POP1: variants seen among roughly 807,000 people sequenced by gnomAD.
POP1 encodes ribonucleases P/MRP protein subunit POP1.
Under a neutral mutation model 102.2 loss-of-function variants are expected in POP1, and 75 were observed. That is an observed-to-expected ratio of 0.73 (90% CI 0.61 to 0.89). The LOEUF (loss-of-function observed/expected upper bound fraction) is 0.89, where lower values mean the gene tolerates loss of function less well. Ranked by LOEUF, POP1 falls within the 40% of genes least tolerant of loss-of-function variation. POP1 has a pLI of 0.00. For missense variants in POP1, 1,116 were observed against 1,267.4 expected, an observed-to-expected ratio of 0.88 and a Z score of 1.81; for synonymous variants, 436 against 464.1, an observed-to-expected ratio of 0.94 and a Z score of 0.78.
At chr8:98,138,884 A>T (rs1475675580) in intron 9 of POP1, among the ~76,000 whole-genome samples, 2 of 134,130 alleles carry the variant, frequency 1.5e-5, no homozygotes, top group Non-Finnish European at 3.1e-5. Context: ...ACAGAGCCTC[A>T]CTCTGTCACC....
In POP1 at chr8:98,140,878, A is replaced by G. The variant is rs553910357; in HGVS notation, c.1584A>G (p.Glu528=). 1.2e-6 allele frequency: 2 copies of G among 1,614,004 alleles called. No individual in the cohort carries two copies. The highest frequency in any genetic ancestry group is 2.2e-5 in the South Asian group (2 of 91,078). ...AGTCCAAAGCTTTGCCCAATCCAGAAAAATGCCAAGGTAAAGTTCCAAAAA... is the reference window on the plus strand; with the variant it reads ...AGTCCAAAGCTTTGCCCAATCCAGAGAAATGCCAAGGTAAAGTTCCAAAAA... ...QKKSKALPNP[E]KCQDNEKVRQ... is the part of the protein sequence containing the mutation. Residue 528 remains glutamate, a synonymous_variant, in exon 11 of 16, where the codon GAA becomes GAG. Transcript: ENST00000401707.
intron 5 of POP1, 141 bp downstream of exon 5, chr8:98,130,367 C>A: frequency 8.0e-7 from 1 of 1,254,160 alleles, no homozygotes; most frequent in Non-Finnish European, 1.1e-6. Context: ...AAGCCCGGGT[C>A]CTTTGCCAGA....
At chr8:98,120,581 C>T (rs776264796) in intron 1 of POP1, among the ~76,000 whole-genome samples, 8 of 151,982 alleles carry the variant, frequency 5.3e-5, no homozygotes, top group Non-Finnish European at 7.4e-5. Context: ...AAAGGATTCT[C>T]GTGCCTCAGC....
At chr8:98,129,828 A>G (rs1586231730) in intron 4 of POP1, 150 bp from the exon 5 acceptor site, 2 of 898,768 alleles carry the variant, frequency 2.2e-6, no homozygotes, top group Non-Finnish European at 3.4e-6. Context: ...CTCTACTTAC[A>G]TTGAAGAAAC....
At position 98,157,827 on chromosome 8, in the gene POP1, C is replaced by T. The variant is rs778792379; in HGVS notation, c.2631C>T (p.Val877=). The T allele has an allele frequency of 5.0e-6, 8 of 1,614,160 alleles. No homozygotes were observed. Among genetic ancestry groups the T allele is most frequent in the Non-Finnish European group, 6.8e-6 (8 of 1,179,974 alleles). Residue 877 remains valine (V), a synonymous_variant, in exon 16 of 16, where the codon GTC becomes GTT. Coordinates refer to ENST00000401707, the MANE Select transcript of POP1 (RefSeq NM_001145860.2). Reference sequence around the variant, plus strand: ...CCGAGCCTCACACCATGATCTGTGTCCCAGCCAAGGAGGACTTCCTCCAGC... The same window carrying T: ...CCGAGCCTCACACCATGATCTGTGTTCCAGCCAAGGAGGACTTCCTCCAGC... ...GSPEPHTMIC[V]PAKEDFLQLH...
chr8:98,121,211 A>T (rs1324962330), intron 1 of POP1, among the ~76,000 whole-genome samples: 1 of 152,168 alleles, frequency 6.6e-6, no homozygotes, highest in Non-Finnish European at 1.5e-5. Flanking sequence ...CATCTTTCAA[A>T]CTCCATAGTG....
At position 98,150,506 on chromosome 8, in the gene POP1, G is replaced by A. The variant is rs906608730; in HGVS notation, c.1924G>A (p.Gly642Arg). The A allele has an allele frequency of 3.7e-6, 6 of 1,613,926 alleles. No homozygotes were observed. Among genetic ancestry groups the A allele is most frequent in the African/African-American group, 2.7e-5 (2 of 74,910 alleles). Residue 642 changes from glycine (G) to arginine (R), a missense_variant, in exon 14 of 16, where the codon GGA becomes AGA. Gly to Arg is a moderately radical substitution (Grantham distance 125, BLOSUM62 -2). Coordinates refer to ENST00000401707, the MANE Select transcript of POP1 (RefSeq NM_001145860.2). ...IPFIYRGVRV[G>R]GLKESAVHSQ... ...TTAGATTTATCGAGGTGTGAGAGTC[G>A]GAGGGTTGAAAGAGTCTGCAGTGCA...
intron 14 of POP1, among the ~76,000 whole-genome samples, chr8:98,154,147 A>G (rs148604358): frequency 3.3e-5 from 5 of 152,322 alleles, no homozygotes; most frequent in Non-Finnish European, 2.9e-5. Flanking sequence ...GAGGAGAAAC[A>G]TGGGATCTGT....
chr8:98,137,968 G>A (rs1816596150), intron 9 of POP1, among the ~76,000 whole-genome samples: 1 of 152,168 alleles, frequency 6.6e-6, no homozygotes, highest in African/African-American at 2.4e-5. Flanking sequence ...CGATGATAGA[G>A]CTGAACAGAT....
chr8:98,141,005 C>A, intron 11 of POP1, 117 bp downstream of exon 11: 1 of 1,263,816 alleles, frequency 7.9e-7, no homozygotes, highest in Non-Finnish European at 1.1e-6. Context: ...AAAATTAGGG[C>A]AGTCTCCTTA....
chr8:98,137,512 T>C (rs537071746), intron 9 of POP1, among the ~76,000 whole-genome samples: 3 of 152,298 alleles, frequency 2.0e-5, no homozygotes, highest in Middle Eastern at 3.4e-3. Flanking sequence ...GGTCTGGAAC[T>C]CTTGACCTCA....
chr8:98,140,894 G>C lies in POP1; in HGVS notation c.1594+6G>C. ...CAATCCAGAAAAATGCCAAGGTAAA[G>C]TTCCAAAAACACCCCAGGTTTTCCT... On this transcript the variant is annotated splice_donor_region_variant and intron_variant, in intron 11 of 15. Coordinates refer to ENST00000401707, the MANE Select transcript of POP1 (RefSeq NM_001145860.2). 1 of 1,613,810 alleles carries C rather than the reference G, an allele frequency of 6.2e-7. No individual in the cohort carries two copies. The highest frequency in any genetic ancestry group is 8.5e-7 in the Non-Finnish European group (1 of 1,179,788).
At chr8:98,128,980 A>G (rs774342129) in intron 4 of POP1, among the ~76,000 whole-genome samples, 5 of 152,014 alleles carry the variant, frequency 3.3e-5, no homozygotes, top group African/African-American at 4.8e-5. Context: ...TGTTTTGCAT[A>G]TATTTGATTT....
chr8:98,158,402 T>G lies in POP1; in HGVS notation c.*131T>G, dbSNP rs143698283. The G allele has an allele frequency of 6.4e-5, 62 of 974,158 alleles. No individual in the cohort carries two copies. In the East Asian group the frequency reaches 1.5e-3, roughly 23 times the overall value. The allele number at this position is 974,158 out of a possible 1,614,324, so 60.3% of individuals were successfully genotyped here. A position where few individuals can be genotyped will look rare whatever the true frequency, so the allele number is the denominator to read the frequency against. On this transcript the variant is annotated 3_prime_UTR_variant, in exon 16 of 16. Transcript: ENST00000401707. ...CTGGAAACAAGAATAAAAAATTATG[T>G]ATTATGCAGATGATGAAATGTTTAC...
intron 4 of POP1, 122 bp from the exon 5 acceptor site, chr8:98,129,856 C>A: frequency 8.7e-7 from 1 of 1,150,110 alleles, no homozygotes. Context: ...ACAATTTAAG[C>A]AAACTAATGG....
intron 12 of POP1, 125 bp downstream of exon 12, chr8:98,146,808 A>G: frequency 9.4e-6 from 7 of 748,084 alleles, no homozygotes; most frequent in South Asian, 8.9e-5. Context: ...TTTTCAAACA[A>G]GTTGTTGATC....
At chr8:98,153,511 A>G (rs1455982176) in intron 14 of POP1, among the ~76,000 whole-genome samples, 2 of 142,712 alleles carry the variant, frequency 1.4e-5, no homozygotes, top group Non-Finnish European at 3.0e-5. Context: ...TCTTCCAACT[A>G]GATTTACAAA....
chr8:98,148,093 C>T (rs1050671221), intron 12 of POP1, among the ~76,000 whole-genome samples: 3 of 152,112 alleles, frequency 2.0e-5, no homozygotes, highest in Non-Finnish European at 4.4e-5. Flanking sequence ...AGGTTTTGAT[C>T]CCGGGAGGAA....
At chr8:98,127,884 C>A in intron 3 of POP1, 122 bp downstream of exon 3, 1 of 1,042,302 alleles carries the variant, frequency 9.6e-7, no homozygotes, top group Non-Finnish European at 1.5e-6. Context: ...CCTCCTCCTA[C>A]TTTAGACCCT....
Sources: allele counts gnomAD v4.1 joint callset (sites outside exome capture counted in the v4.1 genomes callset), GRCh38; gene constraint gnomAD v4.1.1; transcripts MANE v1.5; gene names NCBI Gene and HGNC (gene_info 2026-07-23, HGNC 2026-07-21).